The following STK39 variants were observed in gnomAD, a reference collection of about 807,000 sequenced individuals.
The protein encoded by STK39 is serine/threonine kinase 39.
STK39 carries 20 observed loss-of-function variants against 77.8 expected under a neutral mutation model. The ratio of observed to expected loss-of-function variants is 0.26; its 90% confidence interval spans 0.18 to 0.37. STK39 has a LOEUF of 0.37. Ranked by LOEUF, STK39 falls within the 10% of genes least tolerant of loss-of-function variation. The pLI is 1.00. For missense variants in STK39, 479 were observed against 656.5 expected (o/e 0.73, Z 2.95); for synonymous variants, 246 against 234.1 (o/e 1.05, Z -0.47).
At chr2:168,058,688 T>G (rs543501740) in intron 14 of STK39, among the ~76,000 whole-genome samples, 5 of 152,334 alleles carry the variant, frequency 3.3e-5, no homozygotes, top group East Asian at 3.9e-4. Context: ...GCCAAAACCT[T>G]GAGTAATCAA....
At chr2:168,035,821 C>A (rs575924474) in intron 14 of STK39, among the ~76,000 whole-genome samples, 1 of 152,270 alleles carries the variant, frequency 6.6e-6, no homozygotes, top group South Asian at 2.1e-4. Flanking sequence ...CTGTTGAAAT[C>A]ATGAATGCCT....
chr2:168,156,099 G>A (rs1420326102), intron 5 of STK39, among the ~76,000 whole-genome samples: 1 of 152,166 alleles, frequency 6.6e-6, no homozygotes, highest in Non-Finnish European at 1.5e-5. Context: ...CTAGAGTATG[G>A]CCAGAACCCT....
intron 10 of STK39, among the ~76,000 whole-genome samples, chr2:168,089,011 A>G (rs1465984522): frequency 6.6e-6 from 1 of 152,182 alleles, no homozygotes; most frequent in Non-Finnish European, 1.5e-5. Context: ...GATTTCGAAG[A>G]GACTCCCCTA....
At chr2:168,004,607 C>T (rs1280138990) in intron 16 of STK39, among the ~76,000 whole-genome samples, 4 of 151,804 alleles carry the variant, frequency 2.6e-5, no homozygotes, top group Non-Finnish European at 4.4e-5. Flanking sequence ...GTGGTGGGTG[C>T]CTGTAGTCCC....
intron 14 of STK39, among the ~76,000 whole-genome samples, chr2:168,043,859 C>G (rs756610020): frequency 2.0e-5 from 3 of 152,180 alleles, no homozygotes; most frequent in Admixed American, 6.5e-5. Flanking sequence ...CAGGAGGCTG[C>G]AGATTATCCA....
intron 16 of STK39, among the ~76,000 whole-genome samples, chr2:167,976,130 C>G (rs1188807215): frequency 6.6e-6 from 1 of 152,180 alleles, no homozygotes; most frequent in Non-Finnish European, 1.5e-5. Context: ...GGGAAGGACA[C>G]AGTATAGTCA....
At chr2:168,097,797 A>G (rs888234112) in intron 10 of STK39, among the ~76,000 whole-genome samples, 1 of 152,220 alleles carries the variant, frequency 6.6e-6, no homozygotes, top group Non-Finnish European at 1.5e-5. Context: ...CAACTATTAC[A>G]TGCTTGAATT....
intron 10 of STK39, among the ~76,000 whole-genome samples, chr2:168,126,822 G>T (rs1197048645): frequency 6.6e-6 from 1 of 152,142 alleles, no homozygotes; most frequent in Non-Finnish European, 1.5e-5. Flanking sequence ...TTAGAATTAT[G>T]ATCGGAAAAC....
In STK39 at chr2:168,247,290, G is replaced by GGGGCC. The variant is rs2105291582; in HGVS notation, c.141_145dup (p.Pro49ArgfsTer43). On this transcript the variant is annotated frameshift_variant, in exon 1 of 18. Transcript: ENST00000355999. LOFTEE classifies it high-confidence loss of function. The stretch of plus-strand genomic sequence containing the variant: ...GGGCCAGCCGACAGCCTGTGCCGCC[G>GGGGCC]GGGCCGGGGCCGGGGCCGGGGCCGC... The GGGGCC allele has an allele frequency of 2.0e-6, 2 of 1,019,412 alleles. No individual in the cohort carries two copies. Among genetic ancestry groups the GGGGCC allele is most frequent in the Non-Finnish European group, 2.4e-6 (2 of 847,410 alleles). The allele number at this position is 1,019,412 out of a possible 1,614,324, so 63.1% of individuals were successfully genotyped here. A position where few individuals can be genotyped will look rare whatever the true frequency, so the allele number is the denominator to read the frequency against.
At chr2:168,206,743 C>CCAAT (rs1169297588) in intron 1 of STK39, among the ~76,000 whole-genome samples, 20 of 152,262 alleles carry the variant, frequency 1.3e-4, no homozygotes, top group Non-Finnish European at 2.6e-4. Flanking sequence ...CCCAATATTC[C>CCAAT]ACTCACTTCT....
At chr2:167,960,231 A>G (rs1691912072) in intron 17 of STK39, among the ~76,000 whole-genome samples, 1 of 152,082 alleles carries the variant, frequency 6.6e-6, no homozygotes, top group African/African-American at 2.4e-5. Context: ...ATCTACACAA[A>G]CAAACCTTGT....
At chr2:168,215,574 CT>C (rs1251176508) in intron 1 of STK39, among the ~76,000 whole-genome samples, 1 of 152,130 alleles carries the variant, frequency 6.6e-6, no homozygotes, top group Non-Finnish European at 1.5e-5. Flanking sequence ...AACATGTCAC[CT>C]GCTCAAATAC....
At chr2:167,990,924 C>T (rs1280001583) in intron 16 of STK39, among the ~76,000 whole-genome samples, 2 of 152,156 alleles carry the variant, frequency 1.3e-5, no homozygotes, top group Non-Finnish European at 2.9e-5. Context: ...TTTCACCAGG[C>T]ATTACTAGCC....
intron 1 of STK39, among the ~76,000 whole-genome samples, chr2:168,207,020 C>G (rs1689759758): frequency 6.6e-6 from 1 of 152,164 alleles, no homozygotes; most frequent in Non-Finnish European, 1.5e-5. Flanking sequence ...TTCATTTATA[C>G]CCCTCTTTTG....
intron 10 of STK39, among the ~76,000 whole-genome samples, chr2:168,096,359 A>C (rs997144014): frequency 6.6e-6 from 1 of 152,220 alleles, no homozygotes; most frequent in Non-Finnish European, 1.5e-5. Flanking sequence ...TCATGACTTA[A>C]CCACGAAGTC....
intron 16 of STK39, among the ~76,000 whole-genome samples, chr2:167,993,061 T>C (rs375292934): frequency 6.6e-6 from 1 of 152,238 alleles, no homozygotes; most frequent in African/African-American, 2.4e-5. Context: ...ATTTGAAAGA[T>C]ATGCTACACT....
chr2:168,097,602 G>C (rs1401601705), intron 10 of STK39, among the ~76,000 whole-genome samples: 3 of 152,184 alleles, frequency 2.0e-5, no homozygotes, highest in Non-Finnish European at 4.4e-5. Context: ...GTGCATGATG[G>C]TGCATGCCTG....
chr2:167,977,630 T>C (rs895482989), intron 16 of STK39, among the ~76,000 whole-genome samples: 1 of 151,212 alleles, frequency 6.6e-6, no homozygotes, highest in African/African-American at 2.4e-5. Flanking sequence ...TGTTGAAAAG[T>C]ACTTTGTTTC....
intron 1 of STK39, among the ~76,000 whole-genome samples, chr2:168,183,810 C>A (rs1689141636): frequency 1.3e-5 from 2 of 152,214 alleles, no homozygotes; most frequent in South Asian, 2.1e-4. Context: ...CAGATCACAG[C>A]CCACTGGGTT....
Sources: gnomAD v4.1 joint callset for allele counts (sites outside exome capture counted in the v4.1 genomes callset) on GRCh38, gnomAD v4.1.1 for gene constraint, MANE v1.5 for transcripts, NCBI Gene and HGNC (gene_info 2026-07-23, HGNC 2026-07-21) for gene names.